Variants in AFF3 observed in about 807,000 individuals in gnomAD.
AFF3 encodes the protein AF4/FMR2 family member 3.
A neutral mutation model predicts 129.7 loss-of-function variants in AFF3; 32 were observed. The ratio of observed to expected loss-of-function variants is 0.25; its 90% CI spans 0.19 to 0.33. The LOEUF is 0.33. AFF3 is among the 10% of genes least tolerant of loss of function. The pLI is 1.00. For missense variants in AFF3, 1,373 were observed against 1,592.0 expected, an observed-to-expected ratio of 0.86 and a Z score of 2.34; for synonymous variants, 644 against 635.4, an observed-to-expected ratio of 1.01 and a Z score of -0.20.
At chr2:99,693,265 T>C (rs536216058) in intron 11 of AFF3, among the ~76,000 whole-genome samples, 2 of 152,362 alleles carry the variant, frequency 1.3e-5, no homozygotes, top group African/African-American at 4.8e-5. Flanking sequence ...ATTAAAATTA[T>C]TGCCCCAAAA....
chr2:99,970,308 C>T (rs1223529712), intron 7 of AFF3, among the ~76,000 whole-genome samples: 1 of 152,144 alleles, frequency 6.6e-6, no homozygotes, highest in Non-Finnish European at 1.5e-5. Context: ...CCCTGACCAT[C>T]CTTTCTCCCC....
intron 11 of AFF3, among the ~76,000 whole-genome samples, chr2:99,695,468 T>C (rs1245154226): frequency 1.3e-5 from 2 of 152,168 alleles, no homozygotes; most frequent in East Asian, 3.9e-4. Context: ...CGTGTATTCT[T>C]TTTAGTCGGG....
chr2:99,940,978 TCTGGTGCAGCA>T (rs1246731005), intron 7 of AFF3, among the ~76,000 whole-genome samples: 2 of 152,114 alleles, frequency 1.3e-5, no homozygotes, highest in African/African-American at 4.8e-5. Flanking sequence ...CTCCCACCTG[TCTGGTGCAGCA>T]CTCTGGGACC....
At chr2:100,108,450 G>A (rs189204485) in intron 2 of AFF3, among the ~76,000 whole-genome samples, 23 of 152,144 alleles carry the variant, frequency 1.5e-4, no homozygotes, top group Admixed American at 2.6e-4. Flanking sequence ...GGAAACATGG[G>A]GCATAGGGAC....
In AFF3 at chr2:100,084,722, A is replaced by T. The variant is rs534797350; in HGVS notation, c.53+19680T>A. On this transcript the variant is annotated intron_variant, in intron 4 of 24. Transcript: ENST00000672756. ...AGAAAAAGAAAATGAACACAACCATAAAATATGCATAGGTATAAAATAGTT... is the reference window on the plus strand; with the variant it reads ...AGAAAAAGAAAATGAACACAACCATTAAATATGCATAGGTATAAAATAGTT... Among the ~76,000 whole-genome samples, 1,346 of 152,288 alleles carry T rather than the reference A, an allele frequency of 8.8e-3. 15 individuals are homozygous for T. The highest frequency in any genetic ancestry group is 0.013 in the Non-Finnish European group (908 of 68,028).
In AFF3 at chr2:99,737,249, C is replaced by T. The variant is rs1575827482; in HGVS notation, c.1039+6855G>A. On this transcript the variant is annotated intron_variant, in intron 10 of 24. Transcript: ENST00000672756. ...ATTCCAATTGTATTTATTTTGATTACTTAACAATATATTATTACTGGTGCA... is the reference window on the plus strand; with the variant it reads ...ATTCCAATTGTATTTATTTTGATTATTTAACAATATATTATTACTGGTGCA... Among the ~76,000 whole-genome samples the T allele has an allele frequency of 3.9e-5, 6 of 152,176 alleles. No homozygotes were observed. In the South Asian group the frequency reaches 1.2e-3, roughly 32 times the overall value.
intron 7 of AFF3, among the ~76,000 whole-genome samples, chr2:100,000,572 T>C (rs1466312487): frequency 1.2e-4 from 18 of 152,100 alleles, no homozygotes; most frequent in Admixed American, 1.2e-3. Flanking sequence ...ATACTCGCTT[T>C]TCTATTTTGT....
chr2:99,867,006 AT>A (rs905395390), intron 7 of AFF3, among the ~76,000 whole-genome samples: 1 of 135,962 alleles, frequency 7.4e-6, no homozygotes, highest in East Asian at 2.2e-4. Context: ...ATAATAAAAA[AT>A]AAATAAAATA....
At chr2:99,975,754 C>CT (rs35224838) in intron 7 of AFF3, among the ~76,000 whole-genome samples, 5,014 of 103,840 alleles carry the variant, frequency 0.048, 379 homozygotes, top group African/African-American at 0.15. Flanking sequence ...TTTCCCTCCA[C>CT]TTTTTTTTTT....
chr2:99,627,675 G>A (rs1000107626), intron 13 of AFF3, among the ~76,000 whole-genome samples: 2 of 152,060 alleles, frequency 1.3e-5, no homozygotes, highest in African/African-American at 4.8e-5. Context: ...TATTGCCTAC[G>A]TTGTCTTCCA....
In AFF3 at chr2:100,026,820, T is replaced by C. The variant is rs1684087895; in HGVS notation, c.54-17888A>G. Among the ~76,000 whole-genome samples, 3 of 150,882 alleles carry C rather than the reference T, an allele frequency of 2.0e-5. No homozygotes were observed. In the South Asian group the frequency reaches 6.2e-4, roughly 31 times the overall value. ...CTGGGGATTATTGTTCTAAGTGAAG[T>C]AACTCAGGAATGGAAAATCAAACAC... On this transcript the variant is annotated intron_variant, in intron 4 of 24. Transcript: ENST00000672756.
intron 7 of AFF3, among the ~76,000 whole-genome samples, chr2:99,881,896 G>C (rs964634579): frequency 1.3e-5 from 2 of 152,202 alleles, no homozygotes; most frequent in African/African-American, 4.8e-5. Flanking sequence ...GATGAATAGA[G>C]AAATCAGGGT....
At chr2:99,702,531 G>C (rs1467844964) in intron 11 of AFF3, among the ~76,000 whole-genome samples, 1 of 151,992 alleles carries the variant, frequency 6.6e-6, no homozygotes, top group Non-Finnish European at 1.5e-5. Context: ...GTAGAGACAG[G>C]GTTTCACCAT....
chr2:100,041,619 A>G (rs1278109852), intron 4 of AFF3, among the ~76,000 whole-genome samples: 4 of 152,138 alleles, frequency 2.6e-5, no homozygotes, highest in African/African-American at 7.2e-5. Context: ...GCCACAGGGG[A>G]TATACAGTCA....
chr2:99,804,818 A>C (rs1259764581), intron 8 of AFF3, among the ~76,000 whole-genome samples: 1 of 152,150 alleles, frequency 6.6e-6, no homozygotes, highest in Non-Finnish European at 1.5e-5. Flanking sequence ...ATTCTAAGTG[A>C]AGTGGCTCAG....
intron 7 of AFF3, among the ~76,000 whole-genome samples, chr2:99,964,792 T>G (rs188016126): frequency 6.6e-6 from 1 of 152,324 alleles, no homozygotes; most frequent in East Asian, 1.9e-4. Flanking sequence ...ATAAGGGATC[T>G]TTGTGGTCAT....
intron 11 of AFF3, among the ~76,000 whole-genome samples, chr2:99,675,602 T>C (rs985157719): frequency 1.3e-5 from 2 of 152,198 alleles, no homozygotes; most frequent in Admixed American, 6.5e-5. Context: ...AACAACTCCA[T>C]GTTGAATGCT....
At chr2:100,061,538 G>C (rs1204750655) in intron 4 of AFF3, among the ~76,000 whole-genome samples, 1 of 152,150 alleles carries the variant, frequency 6.6e-6, no homozygotes, top group Non-Finnish European at 1.5e-5. Context: ...CAAACAACAG[G>C]AGTCAGAGAA....
intron 7 of AFF3, among the ~76,000 whole-genome samples, chr2:99,888,924 G>A (rs971425333): frequency 2.0e-5 from 3 of 152,172 alleles, no homozygotes; most frequent in South Asian, 2.1e-4. Context: ...ATTAAAGTAA[G>A]AAAACAGGAC....
Sources: allele counts gnomAD v4.1 joint callset (sites outside exome capture counted in the v4.1 genomes callset), GRCh38; gene constraint gnomAD v4.1.1; transcripts MANE v1.5; gene names NCBI Gene and HGNC (gene_info 2026-07-23, HGNC 2026-07-21).